The following ECHDC1 variants were observed in gnomAD, a reference collection of about 807,000 sequenced individuals.
The protein encoded by ECHDC1 is ethylmalonyl-CoA decarboxylase 1.
In ECHDC1, 29 loss-of-function variants were observed where a neutral mutation model predicts 29.7. The observed-to-expected ratio is 0.98, with a 90% CI of 0.73 to 1.33. ECHDC1 has a LOEUF of 1.33. ECHDC1 is among the 40% of genes most tolerant of loss of function. The pLI is 0.00. For synonymous variants in ECHDC1, 126 were observed against 123.1 expected, an observed-to-expected ratio of 1.02 and a Z score of -0.15; for missense variants, 328 against 350.0, an observed-to-expected ratio of 0.94 and a Z score of 0.50.
At chr6:127,290,298 G>A (rs759950147) in intron 5 of ECHDC1, 21 bp from the exon 6 acceptor site, 42 of 1,597,108 alleles carry the variant, frequency 2.6e-5, no homozygotes, top group Non-Finnish European at 3.4e-5. Flanking sequence ...AAAAAGAAAA[G>A]CTTAATTGTA....
At chr6:127,316,587 T>C in intron 3 of ECHDC1, 85 bp from the exon 4 acceptor site, 1 of 1,120,632 alleles carries the variant, frequency 8.9e-7, no homozygotes, top group Non-Finnish European at 1.3e-6. Context: ...TAGAAAGTAA[T>C]GAAGCCAAAA....
intron 5 of ECHDC1, among the ~76,000 whole-genome samples, chr6:127,292,805 T>C (rs1268602187): frequency 6.6e-6 from 1 of 152,076 alleles, no homozygotes; most frequent in Admixed American, 6.6e-5. Flanking sequence ...ATATAATTAT[T>C]GCAAGGGATA....
At chr6:127,318,178 TCA>T (rs1172449624) in intron 3 of ECHDC1, among the ~76,000 whole-genome samples, 2 of 152,174 alleles carry the variant, frequency 1.3e-5, no homozygotes, top group Non-Finnish European at 2.9e-5. Flanking sequence ...CATCCTAATT[TCA>T]CCACACAAAC....
chr6:127,327,268 G>A, intron 2 of ECHDC1, 124 bp from the exon 3 acceptor site: 2 of 1,119,880 alleles, frequency 1.8e-6, no homozygotes, highest in African/African-American at 3.1e-5. Flanking sequence ...TTTACTGAGT[G>A]TCTATCAAAT....
chr6:127,319,664 A>C (rs888566001), intron 3 of ECHDC1, among the ~76,000 whole-genome samples: 3 of 152,198 alleles, frequency 2.0e-5, no homozygotes, highest in Non-Finnish European at 4.4e-5. Flanking sequence ...GTGGGTGAGG[A>C]ACCAGTAAAA....
intron 1 of ECHDC1, chr6:127,331,706 A>G: frequency 1.6e-6 from 1 of 608,592 alleles, no homozygotes; most frequent in Non-Finnish European, 2.1e-6. Context: ...TCCAACTCTT[A>G]ACTTTTTTAA....
intron 5 of ECHDC1, among the ~76,000 whole-genome samples, chr6:127,303,163 C>T (rs952248214): frequency 1.3e-5 from 2 of 151,940 alleles, no homozygotes; most frequent in African/African-American, 4.8e-5. Context: ...TACTGTTTTT[C>T]ATAAGTTAGC....
chr6:127,314,209 C>A (rs1782177601), intron 5 of ECHDC1, among the ~76,000 whole-genome samples: 1 of 152,178 alleles, frequency 6.6e-6, no homozygotes, highest in Admixed American at 6.6e-5. Context: ...ACTGAGAAAG[C>A]AGTTTAAACC....
At chr6:127,327,217 C>T in intron 2 of ECHDC1, 73 bp from the exon 3 acceptor site, 1 of 1,522,202 alleles carries the variant, frequency 6.6e-7, no homozygotes, top group African/African-American at 1.4e-5. Context: ...TTATAAATCA[C>T]AAGTGTCAAG....
rs954080063 is a variant in ECHDC1, at chr6:127,323,176, T to TTA, written c.363+3824_363+3825dup. ...TGGGTTCCATTCCCAGGATATCTCA[T>TTA]TATATATATATATGTAAATATTCCA... is the stretch of plus-strand genomic sequence containing the variant. On this transcript the variant is annotated intron_variant, in intron 3 of 5. Coordinates refer to ENST00000454859, the MANE Select transcript of ECHDC1 (RefSeq NM_001002030.2). Among the ~76,000 whole-genome samples the TTA allele has an allele frequency of 1.1e-3, 162 of 151,584 alleles. 2 individuals carry two copies. Among genetic ancestry groups the TTA allele is most frequent in the Middle Eastern group, 3.4e-3 (1 of 294 alleles).
intron 3 of ECHDC1, among the ~76,000 whole-genome samples, chr6:127,325,790 T>C (rs1562326620): frequency 2.0e-5 from 3 of 151,958 alleles, no homozygotes. Flanking sequence ...AGCCTTAAGC[T>C]CCTGGACTCA....
At chr6:127,306,703 T>C (rs1781468642) in intron 5 of ECHDC1, among the ~76,000 whole-genome samples, 1 of 152,176 alleles carries the variant, frequency 6.6e-6, no homozygotes, top group African/African-American at 2.4e-5. Context: ...CTTTATAAAT[T>C]ACCCAGTCTC....
At chr6:127,315,166 A>G (rs1203775960) in intron 4 of ECHDC1, 3 of 584,408 alleles carry the variant, frequency 5.1e-6, no homozygotes, top group South Asian at 3.1e-5. Context: ...TTTAAGCTAT[A>G]GCCATATTGT....
At position 127,289,312 on chromosome 6, in the gene ECHDC1, C is replaced by T. The variant is rs1010811798; in HGVS notation, c.*557G>A. 19 of 151,952 alleles carry T rather than the reference C, an allele frequency of 1.3e-4. No homozygotes were observed. The highest frequency in any genetic ancestry group is 4.3e-4 in the African/African-American group (18 of 41,390). The allele number at this position is 151,952 out of a possible 1,614,324, so 9.4% of individuals were successfully genotyped here. A position where few individuals can be genotyped will look rare whatever the true frequency, so the allele number is the denominator to read the frequency against. On this transcript the variant is annotated 3_prime_UTR_variant, in exon 6 of 6. Coordinates refer to ENST00000454859, the MANE Select transcript of ECHDC1 (RefSeq NM_001002030.2). ...ATAGAAAACTAATTATTGAAAAGAA[C>T]AAAGTTCCAAATTTGTAGTGGGTAG...
At chr6:127,340,714 G>A (rs1165038720) in intron 1 of ECHDC1, among the ~76,000 whole-genome samples, 1 of 150,824 alleles carries the variant, frequency 6.6e-6, no homozygotes, top group African/African-American at 2.4e-5. Flanking sequence ...AAAGAAACTT[G>A]GTAAGGACTT....
intron 5 of ECHDC1, among the ~76,000 whole-genome samples, chr6:127,294,228 G>A (rs1780413621): frequency 6.6e-6 from 1 of 152,144 alleles, no homozygotes; most frequent in Non-Finnish European, 1.5e-5. Context: ...CTTTAGTGTA[G>A]GGCCAGAAAC....
Position 127,305,222 on chromosome 6 carries a change from G to A in ECHDC1, c.497+9594C>T, listed in dbSNP as rs116158587. ...CACAATTAAGCTCCAATATGTCTGG[G>A]AGAAGACTTTTCAGTGAAAACCTTA... On this transcript the variant is annotated intron_variant, in intron 5 of 5. Coordinates refer to ENST00000454859, the MANE Select transcript of ECHDC1 (RefSeq NM_001002030.2). 2.4e-3 allele frequency among the ~76,000 whole-genome samples: 371 copies of A among 152,294 alleles called. 2 individuals carry two copies. Among genetic ancestry groups the A allele is most frequent in the African/African-American group, 8.5e-3 (352 of 41,580 alleles).
chr6:127,309,480 A>AACACACAC (rs58621326), intron 5 of ECHDC1, among the ~76,000 whole-genome samples: 1 of 138,358 alleles, frequency 7.2e-6, no homozygotes, highest in Non-Finnish European at 1.5e-5. Flanking sequence ...CAAACAACAA[A>AACACACAC]ACACACACAC....
At chr6:127,340,011 T>A (rs1784784758) in intron 1 of ECHDC1, among the ~76,000 whole-genome samples, 1 of 152,214 alleles carries the variant, frequency 6.6e-6, no homozygotes, top group Non-Finnish European at 1.5e-5. Flanking sequence ...GCTCCTTGTC[T>A]GGTTTTATTC....
Sources: gnomAD v4.1 joint callset for allele counts (sites outside exome capture counted in the v4.1 genomes callset) on GRCh38, gnomAD v4.1.1 for gene constraint, MANE v1.5 for transcripts, NCBI Gene and HGNC (gene_info 2026-07-23, HGNC 2026-07-21) for gene names.